Variants in TMCO4 observed in about 807,000 individuals in gnomAD.
The protein encoded by TMCO4 is transmembrane and coiled-coil domain-containing protein 4.
A neutral mutation model predicts 64.7 loss-of-function variants in TMCO4; 58 were observed. The ratio of observed to expected loss-of-function variants is 0.90; its 90% CI spans 0.73 to 1.12. The LOEUF (loss-of-function observed/expected upper bound fraction) is 1.12, where lower values mean the gene tolerates loss of function less well. TMCO4 is among the 50% of genes most tolerant of loss of function. The probability of loss-of-function intolerance (pLI) is 0.00; values close to 1 mark genes in which losing one functional copy is unlikely to be tolerated. For missense variants in TMCO4, 780 were observed against 825.9 expected, an observed-to-expected ratio of 0.94 and a Z score of 0.68; for synonymous variants, 325 against 346.1, an observed-to-expected ratio of 0.94 and a Z score of 0.68.
chr1:19,694,338 G>A (rs2095220053), intron 15 of TMCO4, 96 bp downstream of exon 15: 2 of 1,037,090 alleles, frequency 1.9e-6, no homozygotes, highest in South Asian at 1.6e-5. Flanking sequence ...CTGTGGCGTG[G>A]ACCAGGCTGG....
At chr1:19,724,657 C>T (rs2095400711) in intron 13 of TMCO4, among the ~76,000 whole-genome samples, 1 of 152,114 alleles carries the variant, frequency 6.6e-6, no homozygotes, top group Admixed American at 6.5e-5. Context: ...AGTCTGAAGC[C>T]CAGACAGGTG....
In TMCO4 at chr1:19,747,144, C is replaced by A. The variant is rs779131194; in HGVS notation, c.613+19G>T. The stretch of plus-strand genomic sequence containing the variant: ...TCTACAAAACCCAGACGTGTGCCAC[C>A]ATCTCTAGCTGGACTCACCGATCAC... On this transcript the variant is annotated intron_variant, in intron 8 of 15. Transcript: ENST00000294543. 1 of 1,612,450 alleles carries A rather than the reference C, an allele frequency of 6.2e-7. No homozygotes were observed. Among genetic ancestry groups the A allele is most frequent in the East Asian group, 2.2e-5 (1 of 44,848 alleles).
intron 3 of TMCO4, among the ~76,000 whole-genome samples, chr1:19,786,613 C>G (rs1389688011): frequency 1.2e-4 from 19 of 152,150 alleles, no homozygotes; most frequent in Admixed American, 1.2e-3. Context: ...CCAGGCAGGG[C>G]CAAGTTCGTC....
At chr1:19,769,367 C>T (rs1395434275) in intron 6 of TMCO4, among the ~76,000 whole-genome samples, 2 of 152,182 alleles carry the variant, frequency 1.3e-5, no homozygotes, top group African/African-American at 2.4e-5. Context: ...TGCATACCTG[C>T]CCAGGTGAAA....
intron 13 of TMCO4, 59 bp from the exon 14 acceptor site, chr1:19,700,944 G>A (rs537951967): frequency 2.2e-6 from 3 of 1,366,102 alleles, no homozygotes; most frequent in African/African-American, 1.4e-5. Context: ...GTGCTGGGAG[G>A]GACTCCAACA....
At chr1:19,718,406 A>G (rs1290322015) in intron 13 of TMCO4, among the ~76,000 whole-genome samples, 1 of 151,878 alleles carries the variant, frequency 6.6e-6, no homozygotes, top group African/African-American at 2.4e-5. Context: ...TTATCCCAGC[A>G]CTTTGGGAGG....
chr1:19,704,937 C>T (rs912620982), intron 13 of TMCO4, among the ~76,000 whole-genome samples: 1 of 152,188 alleles, frequency 6.6e-6, no homozygotes, highest in East Asian at 1.9e-4. Context: ...GACCCTCCCC[C>T]TTTCCTCCTT....
chr1:19,716,374 T>G (rs1418820399), intron 13 of TMCO4, among the ~76,000 whole-genome samples: 1 of 142,368 alleles, frequency 7.0e-6, no homozygotes, highest in Non-Finnish European at 1.5e-5. Flanking sequence ...TTTTTTCTTT[T>G]TTCTTTCTTT....
chr1:19,696,667 G>T (rs1168234003), intron 14 of TMCO4, among the ~76,000 whole-genome samples: 1 of 152,146 alleles, frequency 6.6e-6, no homozygotes, highest in Non-Finnish European at 1.5e-5. Flanking sequence ...AGAATCCAGT[G>T]CATCAAATAC....
chr1:19,762,153 C>A (rs1213607750), intron 6 of TMCO4, among the ~76,000 whole-genome samples: 2 of 152,300 alleles, frequency 1.3e-5, no homozygotes, highest in Middle Eastern at 6.8e-3. Context: ...CTATGAGTGC[C>A]TTTTAAAGGC....
intron 2 of TMCO4, among the ~76,000 whole-genome samples, chr1:19,797,445 G>T (rs375141339): frequency 1.3e-5 from 2 of 152,290 alleles, no homozygotes; most frequent in African/African-American, 4.8e-5. Flanking sequence ...CCCAAGGAGG[G>T]AGGGGTGGCA....
intron 13 of TMCO4, 97 bp downstream of exon 13, chr1:19,737,275 A>T: frequency 8.4e-7 from 1 of 1,194,254 alleles, no homozygotes; most frequent in Non-Finnish European, 1.2e-6. Flanking sequence ...AGAACTGGGA[A>T]CACATTTTGC....
In TMCO4 at chr1:19,734,164, G is replaced by A. The variant is rs576968353; in HGVS notation, c.1264+3208C>T. The stretch of plus-strand genomic sequence containing the variant: ...AGGAGACAGAGAGGACGGACCAAGA[G>A]GGAACAATGGAAATAGAGCTTGGTC... On this transcript the variant is annotated intron_variant, in intron 13 of 15. Transcript: ENST00000294543. The surrounding 1 kb of genome is among the most constrained non-coding windows in gnomAD (Gnocchi z 4.4). Among the ~76,000 whole-genome samples the A allele has an allele frequency of 7.9e-5, 12 of 152,286 alleles. No homozygotes were observed. Among genetic ancestry groups the A allele is most frequent in the African/African-American group, 2.6e-4 (11 of 41,546 alleles).
In TMCO4 at chr1:19,794,159, G is replaced by A. The variant is rs894846034; in HGVS notation, c.-101+3978C>T. ...CAGACTTTGCATTGGCCGTTCCCAC[G>A]GCTGGGAATGCTTATCCCCCAGATA... On this transcript the variant is annotated intron_variant, in intron 2 of 15. Coordinates refer to ENST00000294543, the MANE Select transcript of TMCO4 (RefSeq NM_181719.7). 5.9e-5 allele frequency among the ~76,000 whole-genome samples: 9 copies of A among 152,078 alleles called. No homozygotes were observed. In the East Asian group the frequency reaches 1.2e-3, roughly 20 times the overall value.
chr1:19,747,071 A>C, intron 8 of TMCO4, 92 bp downstream of exon 8: 1 of 1,300,648 alleles, frequency 7.7e-7, no homozygotes, highest in Non-Finnish European at 1.1e-6. Flanking sequence ...CTCCCAGCTG[A>C]GCCCCTGCAC....
At chr1:19,713,321 T>C (rs921593084) in intron 13 of TMCO4, among the ~76,000 whole-genome samples, 1 of 152,140 alleles carries the variant, frequency 6.6e-6, no homozygotes, top group Non-Finnish European at 1.5e-5. Context: ...TGATGGCTCA[T>C]GTGTAGTGGG....
intron 13 of TMCO4, among the ~76,000 whole-genome samples, chr1:19,702,432 A>G (rs1473567477): frequency 1.3e-5 from 2 of 152,228 alleles, no homozygotes; most frequent in Admixed American, 1.3e-4. Flanking sequence ...TCTCTACTAA[A>G]AATACAAAAA....
chr1:19,770,615 T>A, intron 5 of TMCO4, 46 bp from the exon 6 acceptor site: 1 of 1,581,972 alleles, frequency 6.3e-7, no homozygotes, highest in East Asian at 2.2e-5. Context: ...TGATATACGA[T>A]ACAGCGCGCT....
chr1:19,755,491 T>G, intron 7 of TMCO4, 143 bp downstream of exon 7: 1 of 1,205,782 alleles, frequency 8.3e-7, no homozygotes, highest in Non-Finnish European at 1.1e-6. Context: ...ACACAGCGAG[T>G]CAGGGCTACA....
Sources: gnomAD v4.1 joint callset for allele counts (sites outside exome capture counted in the v4.1 genomes callset) on GRCh38, gnomAD v4.1.1 for gene constraint, Gnocchi (gnomAD v3.1) non-coding constraint, MANE v1.5 for transcripts, NCBI Gene and HGNC (gene_info 2026-07-23, HGNC 2026-07-21) for gene names.